Variants in MINDY3 observed in about 807,000 individuals in gnomAD.
The protein encoded by MINDY3 is MINDY lysine 48 deubiquitinase 3.
In MINDY3, 38 loss-of-function variants were observed where a neutral mutation model predicts 69.2. The ratio of observed to expected loss-of-function variants is 0.55; its 90% confidence interval spans 0.42 to 0.72. The LOEUF (loss-of-function observed/expected upper bound fraction) is 0.72. MINDY3 is among the 30% of genes least tolerant of loss of function. The probability of loss-of-function intolerance (pLI) is 0.00; values close to 1 mark genes in which losing one functional copy is unlikely to be tolerated. For synonymous variants in MINDY3, 192 were observed against 180.1 expected (o/e 1.07, Z -0.53); for missense variants, 522 against 519.0 (o/e 1.01, Z -0.06).
intron 6 of MINDY3, among the ~76,000 whole-genome samples, 159 bp from the exon 7 acceptor site, chr10:15,834,775 C>G (rs947813308): frequency 6.6e-6 from 1 of 152,040 alleles, no homozygotes; most frequent in African/African-American, 2.4e-5. Flanking sequence ...TTTGAGATAA[C>G]TTTAAAAAAT....
intron 8 of MINDY3, among the ~76,000 whole-genome samples, chr10:15,822,583 T>G (rs1839843757): frequency 6.6e-6 from 1 of 152,174 alleles, no homozygotes; most frequent in African/African-American, 2.4e-5. Flanking sequence ...AAATAGTGAT[T>G]AACACAAAGA....
chr10:15,829,247 G>A (rs1588608350), intron 8 of MINDY3, among the ~76,000 whole-genome samples: 1 of 152,184 alleles, frequency 6.6e-6, no homozygotes, highest in Non-Finnish European at 1.5e-5. Flanking sequence ...CAGATGGAAT[G>A]AGCAGGATGA....
intron 1 of MINDY3, among the ~76,000 whole-genome samples, chr10:15,854,304 A>G (rs190059720): frequency 9.7e-4 from 147 of 152,232 alleles, no homozygotes; most frequent in African/African-American, 3.5e-3. Context: ...TTCCAATTGC[A>G]TATGTGAGGC....
At chr10:15,833,500 A>G (rs1832868556) in intron 8 of MINDY3, 130 bp downstream of exon 8, 1 of 538,316 alleles carries the variant, frequency 1.9e-6, no homozygotes, top group South Asian at 4.0e-5. Context: ...AAAACTGTAA[A>G]GGATTCTTCT....
intron 3 of MINDY3, among the ~76,000 whole-genome samples, chr10:15,842,058 G>C (rs1833505896): frequency 6.6e-6 from 1 of 151,706 alleles, no homozygotes. Flanking sequence ...AATGAGATGA[G>C]AGACCGTCAG....
At position 15,782,184 on chromosome 10, in the gene MINDY3, C is replaced by T. The variant is rs1564447719; in HGVS notation, c.1159G>A (p.Gly387Arg). Residue 387 changes from glycine to arginine, a missense_variant, in exon 14 of 15, where the codon GGA (glycine) becomes AGA (arginine). Physicochemically the swap from Gly to Arg is moderately radical, Grantham distance 125 (BLOSUM62 -2). Coordinates refer to ENST00000277632, the MANE Select transcript of MINDY3 (RefSeq NM_024948.4). ...TCATTATAATTTGACTGCTTCAATCCATTGTAGTGGTAGACAGTAAAAGAT... is the reference window on the plus strand; with the variant it reads ...TCATTATAATTTGACTGCTTCAATCTATTGTAGTGGTAGACAGTAAAAGAT... ...PESFTVYHYN[G>R]LKQSNYNEKV... The T allele has an allele frequency of 6.2e-7, 1 of 1,611,042 alleles. No homozygotes were observed. The highest frequency in any genetic ancestry group is 8.5e-7 in the Non-Finnish European group (1 of 1,178,086).
intron 2 of MINDY3, among the ~76,000 whole-genome samples, chr10:15,843,961 G>C (rs1347548417): frequency 6.6e-6 from 1 of 152,070 alleles, no homozygotes; most frequent in Admixed American, 6.6e-5. Flanking sequence ...TGAATCTCTA[G>C]AGGGCAGGTC....
At chr10:15,825,227 C>A (rs921105053) in intron 8 of MINDY3, among the ~76,000 whole-genome samples, 1 of 151,918 alleles carries the variant, frequency 6.6e-6, no homozygotes, top group Non-Finnish European at 1.5e-5. Flanking sequence ...ATTAGGGATG[C>A]TAAACTGGTG....
At chr10:15,802,267 C>T (rs1243009211) in intron 10 of MINDY3, among the ~76,000 whole-genome samples, 1 of 152,068 alleles carries the variant, frequency 6.6e-6, no homozygotes, top group African/African-American at 2.4e-5. Flanking sequence ...TCTGTTTTCA[C>T]ACTGCTATAA....
chr10:15,824,677 G>A (rs1003974297), intron 8 of MINDY3, among the ~76,000 whole-genome samples: 4 of 152,146 alleles, frequency 2.6e-5, no homozygotes, highest in Non-Finnish European at 4.4e-5. Context: ...TTGGGAAACA[G>A]TTTCACAATT....
intron 1 of MINDY3, among the ~76,000 whole-genome samples, chr10:15,854,161 T>C (rs1227987591): frequency 6.6e-6 from 1 of 152,112 alleles, no homozygotes; most frequent in African/African-American, 2.4e-5. Flanking sequence ...GGATGAAAAG[T>C]TACATGATTT....
intron 10 of MINDY3, among the ~76,000 whole-genome samples, chr10:15,800,389 T>C (rs1032096413): frequency 3.3e-5 from 5 of 152,114 alleles, no homozygotes; most frequent in African/African-American, 7.2e-5. Flanking sequence ...CTTTAGTGCA[T>C]ACTGTACTAC....
At chr10:15,810,916 C>G (rs2131953141) in intron 10 of MINDY3, among the ~76,000 whole-genome samples, 1 of 152,212 alleles carries the variant, frequency 6.6e-6, no homozygotes, top group African/African-American at 2.4e-5. Context: ...CAAAGAACGT[C>G]TAGAAGTGGA....
chr10:15,848,677 AT>A (rs1834050013), intron 1 of MINDY3, among the ~76,000 whole-genome samples: 3 of 148,512 alleles, frequency 2.0e-5, no homozygotes, highest in Admixed American at 6.7e-5. Context: ...GAAAAATTAA[AT>A]GGCATTGTAG....
chr10:15,804,859 T>A (rs1588550469), intron 10 of MINDY3, among the ~76,000 whole-genome samples: 1 of 152,122 alleles, frequency 6.6e-6, no homozygotes, highest in East Asian at 1.9e-4. Flanking sequence ...AGGATGGTGG[T>A]CTTTTCTCTT....
chr10:15,779,976 G>C (rs933895904), intron 14 of MINDY3, among the ~76,000 whole-genome samples: 2 of 152,134 alleles, frequency 1.3e-5, no homozygotes, highest in Non-Finnish European at 1.5e-5. Flanking sequence ...GCACTCCTTG[G>C]TGGTTAATTT....
At chr10:15,834,747 A>T in intron 6 of MINDY3, 131 bp from the exon 7 acceptor site, 1 of 604,362 alleles carries the variant, frequency 1.7e-6, no homozygotes, top group Non-Finnish European at 2.9e-6. Flanking sequence ...AGTAACTCAG[A>T]TTTGAAATGG....
At position 15,786,686 on chromosome 10, in the gene MINDY3, GA is replaced by G. The variant is rs372473285; in HGVS notation, c.1029-39del. The G allele has an allele frequency of 7.4e-3, 7,998 of 1,083,036 alleles. 69 individuals are homozygous for G. The highest frequency in any genetic ancestry group is 0.047 in the African/African-American group (2,807 of 60,362). The allele number at this position is 1,083,036 out of a possible 1,614,324, so 67.1% of individuals were successfully genotyped here. On this transcript the variant is annotated intron_variant, in intron 12 of 14. Coordinates refer to ENST00000277632, the MANE Select transcript of MINDY3 (RefSeq NM_024948.4). ...AGAAGAAAAACAGTGGATACCAGAG[GA>G]AAAAAAAAAGCTGCTTTTCTTTCAT...
chr10:15,854,900 AG>A (rs2132149153), intron 1 of MINDY3, among the ~76,000 whole-genome samples: 1 of 152,250 alleles, frequency 6.6e-6, no homozygotes, highest in South Asian at 2.1e-4. Flanking sequence ...GGTCCAACCT[AG>A]GAACAAGAGA....
Sources: gnomAD v4.1 joint callset for allele counts (sites outside exome capture counted in the v4.1 genomes callset) on GRCh38, gnomAD v4.1.1 for gene constraint, MANE v1.5 for transcripts, NCBI Gene and HGNC (gene_info 2026-07-23, HGNC 2026-07-21) for gene names.